The following PPM1J variants were observed in gnomAD, a reference collection of about 807,000 sequenced individuals.
The protein encoded by PPM1J is protein phosphatase, Mg2+/Mn2+ dependent 1J.
Under a neutral mutation model 53.3 loss-of-function variants are expected in PPM1J, and 43 were observed. The ratio of observed to expected loss-of-function variants is 0.81; its 90% CI spans 0.63 to 1.04. PPM1J has a LOEUF of 1.04. Among genes scored for constraint, PPM1J ranks in the 50% least tolerant of loss-of-function variants. The pLI is 0.00. For missense variants in PPM1J, 635 were observed against 685.9 expected (o/e 0.93, Z 0.83); for synonymous variants, 267 against 286.4 (o/e 0.93, Z 0.68).
chr1:112,712,513 C>A, intron 3 of PPM1J, 56 bp from the exon 4 acceptor site: 1 of 1,458,662 alleles, frequency 6.9e-7, no homozygotes. Flanking sequence ...AGCACACAGT[C>A]ACCCTCCCCC....
In PPM1J at chr1:112,710,189, G is replaced by GGGGGATGACGAAGAC. The variant is rs1553190357; in HGVS notation, c.1477_1491dup (p.Val493_Pro497dup). On this transcript the variant is annotated inframe_insertion, in exon 10 of 10. Coordinates refer to ENST00000309276, the MANE Select transcript of PPM1J (RefSeq NM_005167.7). ...CAGGAGTAACTGCCTGGCCCTCCCA[G>GGGGGATGACGAAGAC]GGGGATGACGAAGACAGAGATGTCA... is the stretch of plus-strand genomic sequence containing the variant. 1 of 1,574,896 alleles carries GGGGGATGACGAAGAC rather than the reference G, an allele frequency of 6.3e-7. No individual in the cohort carries two copies. Among genetic ancestry groups the GGGGGATGACGAAGAC allele is most frequent in the East Asian group, 2.3e-5 (1 of 44,442 alleles).
intron 1 of PPM1J, 199 bp downstream of exon 1, chr1:112,714,777 A>G: frequency 7.9e-7 from 1 of 1,264,510 alleles, no homozygotes; most frequent in Non-Finnish European, 9.9e-7. Context: ...GACGTGAAGA[A>G]GGTGACACAG....
In PPM1J at chr1:112,712,849, G is replaced by A. The variant is rs115625374; in HGVS notation, c.624C>T (p.Ser208=). 4,574 of 1,613,860 alleles carry A rather than the reference G, an allele frequency of 2.8e-3. 46 individuals carry two copies. The highest frequency in any genetic ancestry group is 0.023 in the South Asian group (2,086 of 91,076). The part of the protein sequence containing the change: ...LPTTPGTPDS[S]DPSHLLGPQS... ...GAGGGCCAAGCAAGTGAGAGGGATC[G>A]GAGGAATCTGGGGTCCCCGGAGTGG... The change falls in exon 3 of 10, where the codon TCC becomes TCT. Residue 208 remains serine, a synonymous_variant. Transcript: ENST00000309276.
chr1:112,714,458 G>C (rs1031319307), intron 1 of PPM1J: 96 of 986,258 alleles, frequency 9.7e-5, no homozygotes, highest in Non-Finnish European at 1.1e-4. Flanking sequence ...CCGCTCCTGG[G>C]GAAGCTGGCG....
In PPM1J at chr1:112,712,961, C is replaced by A. The variant is rs775513026; in HGVS notation, c.512G>T (p.Arg171Leu). The change falls in exon 3 of 10, where the codon CGG becomes CTG. Residue 171 changes from arginine (R) to leucine (L), a missense_variant. Transcript: ENST00000309276. The stretch of plus-strand genomic sequence containing the variant: ...CTCTCGGATATGGCGATGCAGGAGC[C>A]GTGAGGCCATTTCAGCAGCTCCGCC... Reference protein sequence around the residue: ...AGGGAAEMASRLLHRHIREQL... With the variant: ...AGGGAAEMASLLLHRHIREQL... 6 of 1,613,632 alleles carry A rather than the reference C, an allele frequency of 3.7e-6. No individual in the cohort carries two copies. Among genetic ancestry groups the A allele is most frequent in the Middle Eastern group, 1.7e-4 (1 of 5,870 alleles).
chr1:112,710,987 C>T (rs1317555928), intron 7 of PPM1J, 21 bp downstream of exon 7: 4 of 1,611,034 alleles, frequency 2.5e-6, no homozygotes, highest in South Asian at 1.1e-5. Flanking sequence ...TCCCCTCTCC[C>T]ACCTCTACCA....
chr1:112,711,043 G>A lies in PPM1J; in HGVS notation c.1075C>T (p.Leu359Phe), dbSNP rs1220469597. 1.9e-6 allele frequency: 3 copies of A among 1,613,968 alleles called. No homozygotes were observed. The highest frequency in any genetic ancestry group is 2.5e-6 in the Non-Finnish European group (3 of 1,179,986). The change falls in exon 7 of 10, where the codon CTC becomes TTC. Residue 359 changes from leucine (L) to phenylalanine (F), a missense_variant. Transcript: ENST00000309276. ...WAYKKIELED[L>F]RFPLVCGEGK... ...TCCCCACAGACCAGAGGAAACCTGA[G>A]ATCCTCCAGCTCGATCTTTTTGTAG...
Position 112,715,088 on chromosome 1 carries a change from A to T in PPM1J, c.214T>A (p.Phe72Ile). 1 of 1,563,312 alleles carries T rather than the reference A, an allele frequency of 6.4e-7. No individual in the cohort carries two copies. Among genetic ancestry groups the T allele is most frequent in the Non-Finnish European group, 8.6e-7 (1 of 1,164,176 alleles). The change falls in exon 1 of 10, where the codon TTT (phenylalanine) becomes ATT (isoleucine). Residue 72 changes from phenylalanine (F) to isoleucine (I), a missense_variant. By Grantham distance (21) the Phe-to-Ile change is conservative. Coordinates refer to ENST00000309276, the MANE Select transcript of PPM1J (RefSeq NM_005167.7). The surrounding 1 kb of genome is among the most constrained non-coding windows in gnomAD (Gnocchi z 4.4). ...EARASFSRPT[F>I]LQLSPGGLRR... ...AGCCCCCCGGGGCTCAGCTGCAGAA[A>T]GGTCGGTCTGGAGAAGCTCGCTCGA...
chr1:112,713,078 G>GTC (rs1449887211), intron 2 of PPM1J, 47 bp from the exon 3 acceptor site: 1 of 1,384,862 alleles, frequency 7.2e-7, no homozygotes, highest in Non-Finnish European at 9.8e-7. Context: ...GTGTGTGTGT[G>GTC]TGTGTGTGTG....
At position 112,712,368 on chromosome 1, in the gene PPM1J, G is replaced by A. The variant is rs180906226; in HGVS notation, c.819C>T (p.Tyr273=). The change falls in exon 4 of 10, where the codon TAC becomes TAT. Residue 273 remains tyrosine, a synonymous_variant. Transcript: ENST00000309276. ...LVVIYLLGKV[Y]VANAGDSRAI... ...ACCTGCTATCGCCTGCATTGGCCACGTACACCTTGCCTAGCAGGTAGATCA... is the reference window on the plus strand; with the variant it reads ...ACCTGCTATCGCCTGCATTGGCCACATACACCTTGCCTAGCAGGTAGATCA... 11 of 1,613,410 alleles carry A rather than the reference G, an allele frequency of 6.8e-6. No individual in the cohort carries two copies. Among genetic ancestry groups the A allele is most frequent in the African/African-American group, 2.7e-5 (2 of 74,902 alleles).
At chr1:112,712,209 G>T in intron 4 of PPM1J, 136 bp downstream of exon 4, 1 of 929,106 alleles carries the variant, frequency 1.1e-6, no homozygotes, top group Non-Finnish European at 1.7e-6. Flanking sequence ...GATATTTCAG[G>T]CCACTCCTTA....
chr1:112,711,503 G>A (rs12040903), intron 5 of PPM1J, 119 bp from the exon 6 acceptor site: 109,083 of 631,522 alleles, frequency 0.17, 12,995 homozygotes, highest in East Asian at 0.51. Flanking sequence ...TGTGCCACAC[G>A]TTATTCTAAT....
Position 112,711,060 on chromosome 1 carries a change from T to C in PPM1J, c.1058A>G (p.Lys353Arg), listed in dbSNP as rs1675044950. 1 of 1,613,842 alleles carries C rather than the reference T, an allele frequency of 6.2e-7. No individual in the cohort carries two copies. The highest frequency in any genetic ancestry group is 8.5e-7 in the Non-Finnish European group (1 of 1,179,856). Residue 353 changes from lysine (K) to arginine (R), a missense_variant, in exon 7 of 10, where the codon AAG (lysine) becomes AGG (arginine). Transcript: ENST00000309276. Reference protein sequence around the residue: ...DQNMTGWAYKKIELEDLRFPL... With the variant: ...DQNMTGWAYKRIELEDLRFPL... The stretch of plus-strand genomic sequence containing the variant: ...AAACCTGAGATCCTCCAGCTCGATC[T>C]TTTTGTAGGCCCTGGGGAGGGGGGA...
intron 1 of PPM1J, 76 bp from the exon 2 acceptor site, chr1:112,713,687 C>A: frequency 1.7e-6 from 2 of 1,179,320 alleles, no homozygotes; most frequent in East Asian, 4.7e-5. Context: ...AGACACACAC[C>A]GTCTCCTGCG....
At chr1:112,714,791 G>GC (rs1675158413) in intron 1 of PPM1J, 185 bp downstream of exon 1, 7 of 1,270,908 alleles carry the variant, frequency 5.5e-6, no homozygotes, top group East Asian at 6.3e-5. Context: ...GACACAGGCT[G>GC]CCCCCCACTG....
At position 112,711,329 on chromosome 1, in the gene PPM1J, C is replaced by CG; in HGVS notation, c.982dup (p.Arg328ProfsTer62). The CG allele has an allele frequency of 1.2e-6, 2 of 1,606,906 alleles. No individual in the cohort carries two copies. Among genetic ancestry groups the CG allele is most frequent in the South Asian group, 1.1e-5 (1 of 89,930 alleles). On this transcript the variant is annotated frameshift_variant, in exon 6 of 10. Transcript: ENST00000309276. LOFTEE classifies it high-confidence loss of function. ...CCCCAGCTCCTTGGGCAGAACTCTG[C>CG]GGGGGAACTCAAGGTGGGTGAATTC...
In PPM1J at chr1:112,711,964, T is replaced by C; in HGVS notation, c.927+7A>G. 6.3e-7 allele frequency: 1 copy of C among 1,596,618 alleles called. No individual in the cohort carries two copies. Among genetic ancestry groups the C allele is most frequent in the Non-Finnish European group, 8.6e-7 (1 of 1,167,884 alleles). ...GAATGGGGGTAGGGAATTTGGTTCC[T>C]ACTTACAAGCAGCTGAAGACGCTGG... On this transcript the variant is annotated splice_region_variant and intron_variant, in intron 5 of 9. Transcript: ENST00000309276.
At chr1:112,710,399 T>C (rs1675029577) in intron 9 of PPM1J, 61 bp downstream of exon 9, 5 of 1,611,196 alleles carry the variant, frequency 3.1e-6, no homozygotes, top group South Asian at 2.2e-5. Context: ...CAAGCATTGC[T>C]TCCCTTTGAC....
At chr1:112,711,416 A>G in intron 5 of PPM1J, 32 bp from the exon 6 acceptor site, 1 of 1,380,736 alleles carries the variant, frequency 7.2e-7, no homozygotes, top group South Asian at 1.2e-5. Flanking sequence ...ACAGAGAGCC[A>G]GGGGGCATTA....
Sources: gnomAD v4.1 joint callset for allele counts on GRCh38, gnomAD v4.1.1 for gene constraint, Gnocchi (gnomAD v3.1) non-coding constraint, MANE v1.5 for transcripts, NCBI Gene and HGNC (gene_info 2026-07-23, HGNC 2026-07-21) for gene names.